The following DNAJC1 variants were observed in gnomAD, a reference collection of about 807,000 sequenced individuals.
DNAJC1 encodes the protein DnaJ heat shock protein family (Hsp40) member C1, also known as dnaJ homolog subfamily C member 1.
In DNAJC1, 58 loss-of-function variants were observed where a neutral mutation model predicts 76.6. That is an observed-to-expected ratio of 0.76 (90% CI 0.61 to 0.94). The LOEUF is 0.94. DNAJC1 is among the 40% of genes least tolerant of loss of function. The probability of loss-of-function intolerance (pLI) is 0.00; values close to 1 mark genes in which losing one functional copy is unlikely to be tolerated. For missense variants in DNAJC1, 689 were observed against 677.3 expected (o/e 1.02, Z -0.19); for synonymous variants, 258 against 267.9 (o/e 0.96, Z 0.36).
chr10:21,868,088 A>AC (rs1836037427), intron 8 of DNAJC1, among the ~76,000 whole-genome samples: 3 of 147,988 alleles, frequency 2.0e-5, no homozygotes, highest in Admixed American at 6.7e-5. Context: ...AAAAAAAAAA[A>AC]ACAAAAAAAA....
intron 7 of DNAJC1, among the ~76,000 whole-genome samples, chr10:21,883,251 A>ACACACAC (rs1836311121): frequency 2.3e-5 from 3 of 128,956 alleles, no homozygotes; most frequent in Non-Finnish European, 3.3e-5. Context: ...TTCTATCTCA[A>ACACACAC]ACACACACAC....
At chr10:21,770,395 C>CTTTTTTT (rs34881959) in intron 9 of DNAJC1, among the ~76,000 whole-genome samples, 2 of 107,530 alleles carry the variant, frequency 1.9e-5, no homozygotes, top group Non-Finnish European at 3.6e-5. Context: ...TTTTTTTCTT[C>CTTTTTTT]TTTTTTTTTT....
At chr10:21,835,324 T>A (rs1209009110) in intron 8 of DNAJC1, among the ~76,000 whole-genome samples, 1 of 152,178 alleles carries the variant, frequency 6.6e-6, no homozygotes, top group Non-Finnish European at 1.5e-5. Context: ...AAAACCCATC[T>A]GTACGTCACC....
At position 21,928,659 on chromosome 10, in the gene DNAJC1, A is replaced by G. The variant is rs1486848680; in HGVS notation, c.325-107T>C. The G allele has an allele frequency of 1.6e-5, 13 of 827,654 alleles. No homozygotes were observed. In the African/African-American group the frequency reaches 1.7e-4, roughly 11 times the overall value. 51.3% of individuals were successfully genotyped at this position (827,654 alleles called of 1,614,324 possible). On this transcript the variant is annotated intron_variant, in intron 2 of 11. Transcript: ENST00000376980. ...CATGCAGAAAATCCTATGTGCCTAT[A>G]TATACAATAAACAGATGAAATCTCC...
intron 1 of DNAJC1, among the ~76,000 whole-genome samples, chr10:21,946,214 A>C (rs546531829): frequency 1.3e-5 from 2 of 151,822 alleles, no homozygotes; most frequent in Admixed American, 1.3e-4. Context: ...CTAAATATTT[A>C]TATTTTTAGT....
At chr10:21,860,433 C>T (rs1217307586) in intron 8 of DNAJC1, among the ~76,000 whole-genome samples, 1 of 152,036 alleles carries the variant, frequency 6.6e-6, no homozygotes, top group Non-Finnish European at 1.5e-5. Flanking sequence ...TGGCTCATGC[C>T]TGTAATCCCA....
intron 7 of DNAJC1, among the ~76,000 whole-genome samples, chr10:21,887,686 G>A (rs1464509848): frequency 6.6e-6 from 1 of 152,162 alleles, no homozygotes; most frequent in Non-Finnish European, 1.5e-5. Context: ...CTAGCCATAT[G>A]CAGAAGATTG....
At chr10:21,917,431 A>G (rs1293494869) in intron 6 of DNAJC1, among the ~76,000 whole-genome samples, 1 of 152,088 alleles carries the variant, frequency 6.6e-6, no homozygotes, top group African/African-American at 2.4e-5. Context: ...TATTCTATTT[A>G]TACTGCCTCA....
At chr10:21,827,812 T>C (rs996520582) in intron 8 of DNAJC1, among the ~76,000 whole-genome samples, 1 of 152,256 alleles carries the variant, frequency 6.6e-6, no homozygotes. Flanking sequence ...CCACTATACA[T>C]TGATGACTAC....
At chr10:21,858,870 C>T (rs2666779) in intron 8 of DNAJC1, among the ~76,000 whole-genome samples, 112,743 of 152,060 alleles carry the variant, frequency 0.74, 42,427 homozygotes, top group East Asian at 0.98. Flanking sequence ...CTGATGAAAT[C>T]AGAACTTTAC....
chr10:21,805,988 C>A lies in DNAJC1; in HGVS notation c.1090G>T (p.Val364Leu). The change falls in exon 9 of 12, where the codon GTG (valine) becomes TTG (leucine). Residue 364 changes from valine (V) to leucine (L), a missense_variant. Transcript: ENST00000376980. ...EKIAHELGRS[V>L]TDVTTKAKQL... ...AATCTCAGTGAACTCACATCTGTCA[C>A]AGATCGACCCAATTCGTGGGCAATC... 4 of 1,611,544 alleles carry A rather than the reference C, an allele frequency of 2.5e-6. No homozygotes were observed. The highest frequency in any genetic ancestry group is 3.4e-6 in the Non-Finnish European group (4 of 1,179,520).
At chr10:21,772,373 G>A (rs1294961690) in intron 9 of DNAJC1, among the ~76,000 whole-genome samples, 1 of 149,152 alleles carries the variant, frequency 6.7e-6, no homozygotes, top group Non-Finnish European at 1.5e-5. Context: ...TTATGTATAG[G>A]TTTTTGATAA....
At chr10:21,810,883 T>C (rs1171059370) in intron 8 of DNAJC1, among the ~76,000 whole-genome samples, 5 of 152,162 alleles carry the variant, frequency 3.3e-5, no homozygotes, top group African/African-American at 1.2e-4. Flanking sequence ...AACTGGTAAA[T>C]ATTTTGGTAT....
intron 8 of DNAJC1, among the ~76,000 whole-genome samples, chr10:21,819,942 CAA>C (rs1223806093): frequency 2.0e-5 from 3 of 151,872 alleles, no homozygotes; most frequent in Non-Finnish European, 2.9e-5. Flanking sequence ...ATAAAACAAA[CAA>C]AAAAAGAAAT....
At chr10:21,864,622 A>AAAAC (rs145886506) in intron 8 of DNAJC1, among the ~76,000 whole-genome samples, 4 of 150,756 alleles carry the variant, frequency 2.7e-5, no homozygotes, top group Admixed American at 1.3e-4. Flanking sequence ...ACTCTGTCTA[A>AAAAC]AAACAAACAA....
intron 8 of DNAJC1, among the ~76,000 whole-genome samples, chr10:21,866,137 A>AG (rs202144213): frequency 6.9e-6 from 1 of 145,038 alleles, no homozygotes; most frequent in Non-Finnish European, 1.5e-5. Flanking sequence ...TTCAACTCAA[A>AG]AAAAAAAAAA....
chr10:21,758,072 T>C (rs1834196549), intron 11 of DNAJC1, among the ~76,000 whole-genome samples: 1 of 152,170 alleles, frequency 6.6e-6, no homozygotes, highest in South Asian at 2.1e-4. Context: ...TTCTCAAATA[T>C]ATCAACAGCT....
chr10:21,906,363 T>TA (rs199815138), intron 6 of DNAJC1, among the ~76,000 whole-genome samples: 4,551 of 152,064 alleles, frequency 0.03, 108 homozygotes, highest in Middle Eastern at 0.071. Flanking sequence ...CCACCCCCCT[T>TA]AAAAAAAGTC....
rs536200646 is a variant in DNAJC1 at position 21,774,707 on chromosome 10, G to A, written c.1099-8398C>T. ...TTAGCCAGGATGGTCTCGATCTCCT[G>A]ACCTCGTGATCCGCCTGCCTCAGTC... On this transcript the variant is annotated intron_variant, in intron 9 of 11. Transcript: ENST00000376980. Among the ~76,000 whole-genome samples the A allele has an allele frequency of 4.6e-5, 7 of 152,284 alleles. No homozygotes were observed. In the East Asian group the frequency reaches 1.4e-3, roughly 29 times the overall value.
Sources: gnomAD v4.1 joint callset for allele counts (sites outside exome capture counted in the v4.1 genomes callset) on GRCh38, gnomAD v4.1.1 for gene constraint, MANE v1.5 for transcripts, NCBI Gene and HGNC (gene_info 2026-07-23, HGNC 2026-07-21) for gene names.